SYT1: variants seen among roughly 807,000 people sequenced by gnomAD.
SYT1 encodes synaptotagmin-1.
Under a neutral mutation model 44.8 loss-of-function variants are expected in SYT1, and 8 were observed. That is an observed-to-expected ratio of 0.18 (90% CI 0.10 to 0.32). SYT1 has a LOEUF of 0.32. Ranked by LOEUF, SYT1 falls within the 10% of genes least tolerant of loss-of-function variation. The probability of loss-of-function intolerance (pLI) is 1.00; values close to 1 mark genes in which losing one functional copy is unlikely to be tolerated. For missense variants in SYT1, 286 were observed against 509.3 expected (o/e 0.56, Z 4.22); for synonymous variants, 154 against 188.8 (o/e 0.82, Z 1.51).
Position 79,029,135 on chromosome 12 carries a change from G to C in SYT1, c.-83-18162G>C, listed in dbSNP as rs1338166028. Reference sequence around the variant, plus strand: ...TTCCTGGGTAATTTCTACTAATGCAGGTATCAGTTATGCCTTCAAACTATT... The same window carrying C: ...TTCCTGGGTAATTTCTACTAATGCACGTATCAGTTATGCCTTCAAACTATT... On this transcript the variant is annotated intron_variant, in intron 2 of 10. Coordinates refer to ENST00000261205, the MANE Select transcript of SYT1 (RefSeq NM_005639.3). Among the ~76,000 whole-genome samples, 4 of 151,084 alleles carry C rather than the reference G, an allele frequency of 2.6e-5. No homozygotes were observed. The Admixed American group carries it at 2.7e-4, about 10-fold the overall frequency.
intron 8 of SYT1, among the ~76,000 whole-genome samples, chr12:79,330,622 A>G (rs923469683): frequency 6.6e-6 from 1 of 152,242 alleles, no homozygotes; most frequent in Non-Finnish European, 1.5e-5. Flanking sequence ...AACTTACGTG[A>G]AATACCTAGC....
At chr12:78,871,766 C>G (rs1286504912) in intron 1 of SYT1, among the ~76,000 whole-genome samples, 1 of 151,834 alleles carries the variant, frequency 6.6e-6, no homozygotes, top group Non-Finnish European at 1.5e-5. Flanking sequence ...TCCTAGTTTA[C>G]AAGGCTGGCT....
intron 9 of SYT1, among the ~76,000 whole-genome samples, chr12:79,382,696 T>A (rs560810421): frequency 6.6e-6 from 1 of 152,370 alleles, no homozygotes; most frequent in African/African-American, 2.4e-5. Context: ...GCTTACCTCT[T>A]AGTCCTGCTA....
intron 1 of SYT1, among the ~76,000 whole-genome samples, chr12:78,891,970 T>A (rs1875082728): frequency 1.3e-5 from 2 of 151,898 alleles, no homozygotes; most frequent in African/African-American, 2.4e-5. Flanking sequence ...CTAAGAAAAC[T>A]GTGAATAAGT....
At chr12:79,232,836 G>C (rs1875946901) in intron 4 of SYT1, among the ~76,000 whole-genome samples, 1 of 151,994 alleles carries the variant, frequency 6.6e-6, no homozygotes, top group East Asian at 1.9e-4. Flanking sequence ...GACTTCCAAA[G>C]AGCTCTTACG....
At chr12:79,253,705 T>A (rs917763745) in intron 4 of SYT1, among the ~76,000 whole-genome samples, 1 of 152,134 alleles carries the variant, frequency 6.6e-6, no homozygotes, top group Non-Finnish European at 1.5e-5. Flanking sequence ...CAAGACAGGC[T>A]GAAAGCTAGT....
chr12:78,968,124 A>G (rs941332302), intron 1 of SYT1, among the ~76,000 whole-genome samples: 4 of 152,158 alleles, frequency 2.6e-5, no homozygotes, highest in African/African-American at 7.2e-5. Context: ...TAGGAGAAAG[A>G]GGAGTATATG....
intron 3 of SYT1, among the ~76,000 whole-genome samples, chr12:79,076,260 G>A (rs1026369799): frequency 5.9e-5 from 9 of 151,984 alleles, no homozygotes; most frequent in Non-Finnish European, 1.3e-4. Context: ...TGGGTATAGC[G>A]AGGCACCTCT....
intron 8 of SYT1, among the ~76,000 whole-genome samples, chr12:79,352,956 T>C (rs1424365993): frequency 6.6e-6 from 1 of 152,232 alleles, no homozygotes; most frequent in Admixed American, 6.5e-5. Flanking sequence ...CGAAACCTTA[T>C]ACTTTGTTAC....
intron 8 of SYT1, among the ~76,000 whole-genome samples, chr12:79,352,189 C>A (rs1197969632): frequency 4.7e-5 from 7 of 150,042 alleles, no homozygotes; most frequent in African/African-American, 1.7e-4. Context: ...TGAATACACC[C>A]CCCCCCCAAA....
Position 79,397,437 on chromosome 12 carries a change from C to T in SYT1, c.928+43818C>T, listed in dbSNP as rs553879042. Among the ~76,000 whole-genome samples, 6 of 152,192 alleles carry T rather than the reference C, an allele frequency of 3.9e-5. No homozygotes were observed. The East Asian group carries it at 1.2e-3, about 29-fold the overall frequency. On this transcript the variant is annotated intron_variant, in intron 9 of 10. Transcript: ENST00000261205. ...GAGAGGGGAGTCTCCCTATGTTGCC[C>T]AGGCTGGTCTCGAACTCCCGGCTCA...
intron 1 of SYT1, among the ~76,000 whole-genome samples, chr12:78,943,368 C>T (rs1878487398): frequency 6.6e-6 from 1 of 152,096 alleles, no homozygotes; most frequent in South Asian, 2.1e-4. Flanking sequence ...ACAATCATGG[C>T]AGATTACAAA....
At chr12:79,291,446 T>C (rs7963801) in intron 5 of SYT1, among the ~76,000 whole-genome samples, 105,668 of 152,096 alleles carry the variant, frequency 0.69, 38,549 homozygotes, top group African/African-American at 0.92. Context: ...TTGCTGGTGG[T>C]ATGTTTTTTT....
At chr12:79,299,593 CG>C (rs1336226048) in intron 8 of SYT1, 42 bp downstream of exon 8, 3 of 1,595,710 alleles carry the variant, frequency 1.9e-6, no homozygotes, top group Non-Finnish European at 2.6e-6. Context: ...AAGCTGTACT[CG>C]CCAGTTGCTG....
intron 8 of SYT1, among the ~76,000 whole-genome samples, chr12:79,352,663 C>T (rs1212824301): frequency 6.6e-6 from 1 of 151,982 alleles, no homozygotes; most frequent in Non-Finnish European, 1.5e-5. Context: ...AAATAAAACA[C>T]TTAAGGCAGG....
chr12:79,430,981 T>A (rs1869742594), intron 9 of SYT1, among the ~76,000 whole-genome samples: 1 of 151,926 alleles, frequency 6.6e-6, no homozygotes, highest in African/African-American at 2.4e-5. Context: ...ACTCAGTGAG[T>A]GAGTGAATAA....
chr12:79,248,063 A>G (rs1310144737), intron 4 of SYT1, among the ~76,000 whole-genome samples: 2 of 152,216 alleles, frequency 1.3e-5, no homozygotes, highest in African/African-American at 2.4e-5. Flanking sequence ...AACTAAGCCC[A>G]TTTGACCCAG....
At chr12:79,341,147 T>C (rs1309518135) in intron 8 of SYT1, 3 of 152,198 alleles carry the variant, frequency 2.0e-5, no homozygotes, top group Non-Finnish European at 1.5e-5. Context: ...GCTTTACTCA[T>C]TTTCTACAAA....
chr12:79,412,960 A>G (rs1362175259), intron 9 of SYT1, among the ~76,000 whole-genome samples: 1 of 152,068 alleles, frequency 6.6e-6, no homozygotes. Context: ...CCCTGCCTTT[A>G]TATTTAGCCT....
Sources: allele counts gnomAD v4.1 joint callset (sites outside exome capture counted in the v4.1 genomes callset), GRCh38; gene constraint gnomAD v4.1.1; transcripts MANE v1.5; gene names NCBI Gene and HGNC (gene_info 2026-07-23, HGNC 2026-07-21).